The following GEMIN7 variants were observed in gnomAD, a reference collection of about 807,000 sequenced individuals.
The protein encoded by GEMIN7 is gem nuclear organelle associated protein 7.
A neutral mutation model predicts 7.8 loss-of-function variants in GEMIN7; 7 were observed. The observed-to-expected ratio is 0.90, with a 90% confidence interval of 0.51 to 1.69. GEMIN7 has a LOEUF of 1.69. Among genes scored for constraint, GEMIN7 ranks in the 40% most tolerant of loss-of-function variants. The pLI is 0.00. For synonymous variants in GEMIN7, 68 were observed against 72.4 expected (o/e 0.94, Z 0.31); for missense variants, 159 against 176.2 (o/e 0.90, Z 0.55).
chr19:45,086,913 C>A (rs1392563464), intron 2 of GEMIN7, among the ~76,000 whole-genome samples: 2 of 152,156 alleles, frequency 1.3e-5, no homozygotes, highest in Admixed American at 6.5e-5. Context: ...GTGGCGAGAT[C>A]TCCGCTTACT....
upstream of GEMIN7, chr19:45,079,094 C>T (rs369165624): frequency 1.3e-5 from 2 of 152,258 alleles, no homozygotes; most frequent in Non-Finnish European, 2.9e-5. Context: ...CCCAAGTGCC[C>T]CGCAAAGCCG....
In GEMIN7 at chr19:45,090,289, C is replaced by CGAGCCGCCCTTCGG. The variant is rs777310917; in HGVS notation, c.180_193dup (p.Arg65ProfsTer19). 2 of 1,614,032 alleles carry CGAGCCGCCCTTCGG rather than the reference C, an allele frequency of 1.2e-6. No homozygotes were observed. Among genetic ancestry groups the CGAGCCGCCCTTCGG allele is most frequent in the Non-Finnish European group, 1.7e-6 (2 of 1,180,040 alleles). On this transcript the variant is annotated frameshift_variant, in exon 3 of 3. Coordinates refer to ENST00000270257, the MANE Select transcript of GEMIN7 (RefSeq NM_024707.3). LOFTEE classifies it high-confidence loss of function. Reference sequence around the variant, plus strand: ...CCTGGAATCCCAGGAGCAGCGGGCACGAGCCGCCCTTCGGGAGCGTTACCT... The same window carrying CGAGCCGCCCTTCGG: ...CCTGGAATCCCAGGAGCAGCGGGCACGAGCCGCCCTTCGGGAGCCGCCCTTCGGGAGCGTTACCT...
chr19:45,083,054 C>G (rs1038832966), intron 2 of GEMIN7, among the ~76,000 whole-genome samples: 4 of 152,184 alleles, frequency 2.6e-5, no homozygotes, highest in Admixed American at 6.6e-5. Flanking sequence ...GCTACTGTGG[C>G]AGAGTTGAGC....
chr19:45,081,526 A>G (rs1424969752), intron 2 of GEMIN7, among the ~76,000 whole-genome samples: 1 of 30,640 alleles, frequency 3.3e-5, no homozygotes, highest in African/African-American at 2.3e-4. Context: ...CCTGTCAGGA[A>G]AAAAAAAAAA....
chr19:45,075,877 C>G (rs756760568), upstream of GEMIN7: 5 of 1,609,864 alleles, frequency 3.1e-6, no homozygotes, highest in Admixed American at 3.3e-5. Flanking sequence ...AGGGAGGAAG[C>G]GGGTGGTGAG....
upstream of GEMIN7, chr19:45,076,452 G>C (rs1471136202): frequency 9.3e-7 from 1 of 1,078,506 alleles, no homozygotes. The surrounding 1 kb of genome is among the most constrained non-coding windows in gnomAD (Gnocchi z 4.9). Context: ...GAGGACGCGC[G>C]GACCGTGCGC....
chr19:45,075,870 G>C (rs199913976), upstream of GEMIN7: 144 of 1,613,680 alleles, frequency 8.9e-5, no homozygotes, highest in East Asian at 3.1e-3. Context: ...GGTCTGCAGG[G>C]AGGAAGCGGG....
At chr19:45,088,984 C>T (rs1037905738) in intron 2 of GEMIN7, among the ~76,000 whole-genome samples, 1 of 151,300 alleles carries the variant, frequency 6.6e-6, no homozygotes, top group African/African-American at 2.4e-5. Flanking sequence ...CTCTGTCGCC[C>T]AGGCTAGAGT....
At chr19:45,088,198 G>A (rs552544443) in intron 2 of GEMIN7, among the ~76,000 whole-genome samples, 4 of 152,056 alleles carry the variant, frequency 2.6e-5, no homozygotes, top group East Asian at 1.9e-4. Flanking sequence ...TGCCCACCTC[G>A]GCCTCCCAAA....
At chr19:45,079,044 G>A (rs1173621448), upstream of GEMIN7, among the ~76,000 whole-genome samples, 1 of 152,230 alleles carries the variant, frequency 6.6e-6, no homozygotes, top group East Asian at 1.9e-4. Context: ...CCTAAAATGG[G>A]CATCCCAGAC....
chr19:45,089,479 T>C (rs1967818853), intron 2 of GEMIN7, among the ~76,000 whole-genome samples: 2 of 152,294 alleles, frequency 1.3e-5, no homozygotes, highest in Admixed American at 6.5e-5. Flanking sequence ...AGTGGGAATC[T>C]ATCTAGAAGA....
intron 2 of GEMIN7, among the ~76,000 whole-genome samples, chr19:45,080,445 C>T (rs1305170197): frequency 1.3e-5 from 2 of 151,554 alleles, no homozygotes; most frequent in South Asian, 2.1e-4. Context: ...GCGTGATCTC[C>T]GCTCACTGCA....
intron 2 of GEMIN7, among the ~76,000 whole-genome samples, chr19:45,087,805 G>A (rs1370064835): frequency 6.6e-6 from 1 of 152,098 alleles, no homozygotes; most frequent in South Asian, 2.1e-4. Flanking sequence ...GGAAGCCAGG[G>A]ACCCAGTGAG....
In GEMIN7 at chr19:45,091,285, CT is replaced by C. The variant is rs1184340864; in HGVS notation, c.*776del. On this transcript the variant is annotated 3_prime_UTR_variant, in exon 3 of 3. Transcript: ENST00000270257. Reference sequence around the variant, plus strand: ...GGTCGGACCCCGAGTGGCGGCGCCCCTGATAAAAGGCCGAGGATTCGCGATC... The same window carrying C: ...GGTCGGACCCCGAGTGGCGGCGCCCCGATAAAAGGCCGAGGATTCGCGATC... 6.0e-6 allele frequency: 1 copy of C among 167,162 alleles called. No homozygotes were observed. Among genetic ancestry groups the C allele is most frequent in the African/African-American group, 2.4e-5 (1 of 41,468 alleles). 10.4% of individuals were successfully genotyped at this position (167,162 alleles called of 1,614,324 possible). A position where few individuals can be genotyped will look rare whatever the true frequency, so the allele number is the denominator to read the frequency against.
intron 2 of GEMIN7, among the ~76,000 whole-genome samples, chr19:45,089,517 T>G (rs1268692332): frequency 6.6e-6 from 1 of 151,984 alleles, no homozygotes; most frequent in Non-Finnish European, 1.5e-5. Context: ...TTGGGTGGGT[T>G]GTGTGTGAGA....
chr19:45,075,758 G>A, upstream of GEMIN7: 1 of 1,614,166 alleles, frequency 6.2e-7, no homozygotes. Context: ...TGACAGCCCA[G>A]CTTCTTGTGG....
intron 2 of GEMIN7, among the ~76,000 whole-genome samples, chr19:45,082,733 C>T (rs1967543428): frequency 6.6e-6 from 1 of 151,940 alleles, no homozygotes; most frequent in Admixed American, 6.6e-5. Flanking sequence ...ATCCCCTCAC[C>T]TCGGTCTCCT....
rs544668758 is a variant in GEMIN7 at position 45,087,992 on chromosome 19, C to G, written c.-8-2115C>G. 1.4e-3 allele frequency among the ~76,000 whole-genome samples: 184 copies of G among 129,250 alleles called. 6 individuals are homozygous for G. Among genetic ancestry groups the G allele is most frequent in the African/African-American group, 5.1e-3 (166 of 32,696 alleles). The allele number at this position is 129,250 out of a possible 152,430, so 84.8% of individuals were successfully genotyped here. A position where few individuals can be genotyped will look rare whatever the true frequency, so the allele number is the denominator to read the frequency against. ...ACAGAGTCTTGCTCTGTCGCCCAGG[C>G]TGGAGTACTGTGGCACAATCTCGGC... On this transcript the variant is annotated intron_variant, in intron 2 of 2. Coordinates refer to ENST00000270257, the MANE Select transcript of GEMIN7 (RefSeq NM_024707.3).
chr19:45,084,669 C>T (rs1238622037), intron 2 of GEMIN7, among the ~76,000 whole-genome samples: 1 of 152,082 alleles, frequency 6.6e-6, no homozygotes, highest in Non-Finnish European at 1.5e-5. Context: ...CCTCTGCCTC[C>T]CGGGTTCAAG....
Sources: allele counts gnomAD v4.1 joint callset (sites outside exome capture counted in the v4.1 genomes callset), GRCh38; gene constraint gnomAD v4.1.1; non-coding constraint Gnocchi (gnomAD v3.1); transcripts MANE v1.5; gene names NCBI Gene and HGNC (gene_info 2026-07-23, HGNC 2026-07-21).